ZYG11B: variants seen among roughly 807,000 people sequenced by gnomAD.
ZYG11B encodes the protein zyg-11 family member B, cell cycle regulator, also known as protein zyg-11 homolog B.
A neutral mutation model predicts 82.4 loss-of-function variants in ZYG11B; 36 were observed. That is an observed-to-expected ratio of 0.44 (90% CI 0.33 to 0.58). The LOEUF (loss-of-function observed/expected upper bound fraction) is 0.58. Ranked by LOEUF, ZYG11B falls within the 20% of genes least tolerant of loss-of-function variation. The pLI is 0.02. For missense variants in ZYG11B, 552 were observed against 895.6 expected (o/e 0.62, Z 4.90); for synonymous variants, 303 against 312.8 (o/e 0.97, Z 0.33).
chr1:52,772,655 G>A (rs1644763978), intron 3 of ZYG11B: 4 of 823,906 alleles, frequency 4.9e-6, no homozygotes, highest in Non-Finnish European at 8.5e-6. Flanking sequence ...CCATGATGGC[G>A]GCGATCAGGC....
Position 52,783,859 on chromosome 1 carries a change from T to C in ZYG11B, c.1093-1018T>C, listed in dbSNP as rs376209443. Among the ~76,000 whole-genome samples the C allele has an allele frequency of 9.6e-3, 521 of 54,340 alleles. 3 individuals are homozygous for C. The highest frequency in any genetic ancestry group is 0.023 in the East Asian group (25 of 1,082). The allele number at this position is 54,340 out of a possible 152,430, so 35.6% of individuals were successfully genotyped here. A position where few individuals can be genotyped will look rare whatever the true frequency, so the allele number is the denominator to read the frequency against. On this transcript the variant is annotated intron_variant, in intron 4 of 13. Coordinates refer to ENST00000294353, the MANE Select transcript of ZYG11B (RefSeq NM_024646.3). The stretch of plus-strand genomic sequence containing the variant: ...GTGTATATGTACATACACGTGTGTG[T>C]GTATGTACATACACGTGTGTGTATA...
At chr1:52,749,226 A>T (rs1158545285) in intron 1 of ZYG11B, among the ~76,000 whole-genome samples, 2 of 152,160 alleles carry the variant, frequency 1.3e-5, no homozygotes, top group African/African-American at 4.8e-5. Context: ...AAATACCTAA[A>T]TAAAAAAAGA....
At chr1:52,774,276 G>T (rs1181961093) in intron 3 of ZYG11B, among the ~76,000 whole-genome samples, 2 of 150,908 alleles carry the variant, frequency 1.3e-5, no homozygotes, top group African/African-American at 2.4e-5. Context: ...GAGTAGCTGG[G>T]ACCACAAGCA....
chr1:52,764,167 A>C (rs2149934142), intron 2 of ZYG11B, among the ~76,000 whole-genome samples: 1 of 152,234 alleles, frequency 6.6e-6, no homozygotes, highest in Non-Finnish European at 1.5e-5. Context: ...CTCTGTTGCC[A>C]GACTGGAGTG....
chr1:52,783,610 C>CTTTTTTTTT (rs1156857504), intron 4 of ZYG11B, among the ~76,000 whole-genome samples: 7 of 131,540 alleles, frequency 5.3e-5, no homozygotes, highest in South Asian at 2.4e-4. Flanking sequence ...TTCTTTCTTT[C>CTTTTTTTTT]TTTTTTTTTT....
chr1:52,780,882 T>C (rs1644850528), intron 4 of ZYG11B, among the ~76,000 whole-genome samples: 1 of 152,184 alleles, frequency 6.6e-6, no homozygotes, highest in Non-Finnish European at 1.5e-5. Context: ...ACGCAGTGGC[T>C]CACACCTGTA....
At chr1:52,752,047 A>T (rs1341623073) in intron 1 of ZYG11B, among the ~76,000 whole-genome samples, 4 of 151,616 alleles carry the variant, frequency 2.6e-5, no homozygotes, top group African/African-American at 7.3e-5. Flanking sequence ...CTCAGTTCTG[A>T]CAGTAACCAG....
intron 3 of ZYG11B, among the ~76,000 whole-genome samples, chr1:52,774,400 C>T (rs1182718844): frequency 1.3e-5 from 2 of 151,416 alleles, no homozygotes; most frequent in Non-Finnish European, 2.9e-5. Context: ...CTCCACCTCC[C>T]AGGTTTTGAC....
At chr1:52,729,845 G>C (rs1644315522) in intron 1 of ZYG11B, among the ~76,000 whole-genome samples, 1 of 151,974 alleles carries the variant, frequency 6.6e-6, no homozygotes, top group Non-Finnish European at 1.5e-5. Context: ...GTCTTGCTCT[G>C]TCCCTAAGCT....
intron 1 of ZYG11B, among the ~76,000 whole-genome samples, chr1:52,730,584 C>G (rs920367103): frequency 6.6e-6 from 1 of 152,158 alleles, no homozygotes; most frequent in Admixed American, 6.6e-5. Flanking sequence ...CCGCTTTGGC[C>G]TCCCAAAGTG....
Position 52,800,208 on chromosome 1 carries a change from C to T in ZYG11B, c.1486-1611C>T, listed in dbSNP as rs529057562. 4.7e-5 allele frequency among the ~76,000 whole-genome samples: 7 copies of T among 148,088 alleles called. No homozygotes were observed. The Admixed American group carries it at 4.8e-4, about 10-fold the overall frequency. On this transcript the variant is annotated intron_variant, in intron 8 of 13. Transcript: ENST00000294353. ...AGAGGATCGCTTGAGCTTGGGAGTT[C>T]AAGTCTACAGCGAACTATAATTGTG...
intron 13 of ZYG11B, among the ~76,000 whole-genome samples, chr1:52,819,318 C>T (rs1028868013): frequency 6.6e-6 from 1 of 152,174 alleles, no homozygotes; most frequent in African/African-American, 2.4e-5. Flanking sequence ...TAAACTGTCT[C>T]TGCCCTAAAG....
chr1:52,784,318 A>G (rs1024919202), intron 4 of ZYG11B, among the ~76,000 whole-genome samples: 1 of 152,124 alleles, frequency 6.6e-6, no homozygotes, highest in African/African-American at 2.4e-5. Context: ...ATTGTTTTAT[A>G]CAGATGGGGT....
chr1:52,760,721 G>A (rs1644622928), intron 2 of ZYG11B, among the ~76,000 whole-genome samples: 1 of 148,198 alleles, frequency 6.7e-6, no homozygotes, highest in African/African-American at 2.5e-5. Flanking sequence ...GGCTTCCAAA[G>A]TATTGAGATT....
chr1:52,760,087 C>A (rs1292725731), intron 2 of ZYG11B, among the ~76,000 whole-genome samples: 1 of 152,106 alleles, frequency 6.6e-6, no homozygotes, highest in Non-Finnish European at 1.5e-5. Flanking sequence ...ACCGCCTAGG[C>A]CTTCGAAAGT....
Position 52,825,507 on chromosome 1 carries a change from G to A in ZYG11B, c.*3878G>A, listed in dbSNP as rs1205285644. 1 of 151,966 alleles carries A rather than the reference G, an allele frequency of 6.6e-6. No individual in the cohort carries two copies. The highest frequency in any genetic ancestry group is 2.4e-5 in the African/African-American group (1 of 41,354). The allele number at this position is 151,966 out of a possible 1,614,324, so 9.4% of individuals were successfully genotyped here. Reference sequence around the variant, plus strand: ...AAGCTGCATGGGAATTTGCTTTCGTGATATATTTCATTTGCAAACTTCTAC... The same window carrying A: ...AAGCTGCATGGGAATTTGCTTTCGTAATATATTTCATTTGCAAACTTCTAC... On this transcript the variant is annotated 3_prime_UTR_variant, in exon 14 of 14. Coordinates refer to ENST00000294353, the MANE Select transcript of ZYG11B (RefSeq NM_024646.3).
At chr1:52,770,088 ATATATT>A (rs1235759343) in intron 2 of ZYG11B, among the ~76,000 whole-genome samples, 5,408 of 76,686 alleles carry the variant, frequency 0.071, 321 homozygotes, top group African/African-American at 0.18. Flanking sequence ...ATATATATAT[ATATATT>A]TTTTTTTTTT....
At chr1:52,796,249 G>C in intron 6 of ZYG11B, 43 bp from the exon 7 acceptor site, 1 of 1,465,580 alleles carries the variant, frequency 6.8e-7, no homozygotes, top group Non-Finnish European at 9.6e-7. Context: ...AATTGTGCCT[G>C]GGCCTCCACG....
chr1:52,759,591 C>T (rs1644610151), intron 2 of ZYG11B, among the ~76,000 whole-genome samples: 1 of 152,094 alleles, frequency 6.6e-6, no homozygotes, highest in South Asian at 2.1e-4. Flanking sequence ...ATTGTGTTAC[C>T]CTAGTGTGAT....
Sources: gnomAD v4.1 joint callset for allele counts (sites outside exome capture counted in the v4.1 genomes callset) on GRCh38, gnomAD v4.1.1 for gene constraint, MANE v1.5 for transcripts, NCBI Gene and HGNC (gene_info 2026-07-23, HGNC 2026-07-21) for gene names.